Variants in ARL6IP6 observed in about 807,000 individuals in gnomAD.
ARL6IP6 encodes the protein ADP-ribosylation factor-like protein 6-interacting protein 6.
A neutral mutation model predicts 21.5 loss-of-function variants in ARL6IP6; 22 were observed. That is an observed-to-expected ratio of 1.02 (90% CI 0.73 to 1.46). The LOEUF is 1.46. Among genes scored for constraint, ARL6IP6 ranks in the 40% most tolerant of loss-of-function variants. The pLI, the probability that ARL6IP6 is intolerant of heterozygous loss-of-function variation, is 0.00. For missense variants in ARL6IP6, 388 were observed against 299.8 expected, an observed-to-expected ratio of 1.29 and a Z score of -2.17; for synonymous variants, 164 against 125.3, an observed-to-expected ratio of 1.31 and a Z score of -2.06.
intron 2 of ARL6IP6, chr2:152,732,547 C>T (rs1219838754): frequency 4.4e-6 from 2 of 459,228 alleles, no homozygotes; most frequent in African/African-American, 4.1e-5. Context: ...TCTGTATTAG[C>T]AGGAAATTTT....
upstream of ARL6IP6, chr2:152,718,274 C>A: frequency 3.7e-6 from 1 of 270,796 alleles, no homozygotes; most frequent in Non-Finnish European, 6.3e-6. Flanking sequence ...GCTGTCGGGG[C>A]GCGCGCTCCC....
intron 3 of ARL6IP6, among the ~76,000 whole-genome samples, chr2:152,755,355 TG>T: frequency 6.6e-6 from 1 of 152,086 alleles, no homozygotes; most frequent in African/African-American, 2.4e-5. Context: ...CCACCTCTTG[TG>T]GAGGGCCTGA....
At chr2:152,724,455 A>G (rs1699940963) in intron 2 of ARL6IP6, among the ~76,000 whole-genome samples, 1 of 152,246 alleles carries the variant, frequency 6.6e-6, no homozygotes, top group African/African-American at 2.4e-5. Flanking sequence ...TAATTTTTAT[A>G]CCATAGATAG....
chr2:152,728,413 A>G (rs563191231), intron 2 of ARL6IP6, among the ~76,000 whole-genome samples: 190 of 152,306 alleles, frequency 1.2e-3, no homozygotes, highest in Middle Eastern at 3.4e-3. Context: ...CTGATTATAT[A>G]TAATATGTGT....
At chr2:152,752,311 A>G (rs1701373340) in intron 3 of ARL6IP6, among the ~76,000 whole-genome samples, 1 of 152,214 alleles carries the variant, frequency 6.6e-6, no homozygotes, top group Non-Finnish European at 1.5e-5. Context: ...AGACTCCATG[A>G]TGAAACTGAA....
chr2:152,756,169 G>T (rs1701584152), intron 3 of ARL6IP6, among the ~76,000 whole-genome samples: 1 of 152,076 alleles, frequency 6.6e-6, no homozygotes, highest in Non-Finnish European at 1.5e-5. Flanking sequence ...AGGTCATGAA[G>T]ATTTATACCT....
rs1559216120 is a variant in ARL6IP6 at position 152,718,772 on chromosome 2, C to T, written c.148C>T (p.Gln50Ter). Residue 50 changes from glutamine to a stop codon, truncating the protein, a stop_gained, in exon 1 of 4, where the codon CAA (glutamine) becomes TAA (stop). Transcript: ENST00000326446. LOFTEE classifies it high-confidence loss of function. ...GEVDEEEGCD[Q>*]VARDLRAEFS... ...AGTCGACGAGGAGGAGGGATGCGAC[C>T]AAGTGGCCCGCGACCTGCGGGCGGA... 1 of 1,608,738 alleles carries T rather than the reference C, an allele frequency of 6.2e-7. No individual in the cohort carries two copies. Among genetic ancestry groups the T allele is most frequent in the Non-Finnish European group, 8.5e-7 (1 of 1,177,442 alleles).
At chr2:152,732,252 C>A (rs141565512) in intron 2 of ARL6IP6, among the ~76,000 whole-genome samples, 1 of 151,970 alleles carries the variant, frequency 6.6e-6, no homozygotes, top group Non-Finnish European at 1.5e-5. Flanking sequence ...TTAACAGATA[C>A]TGCCAAACTG....
intron 3 of ARL6IP6, among the ~76,000 whole-genome samples, chr2:152,754,422 G>A (rs1701482933): frequency 6.6e-6 from 1 of 152,124 alleles, no homozygotes; most frequent in Non-Finnish European, 1.5e-5. Flanking sequence ...TTTTAAGGCT[G>A]CATGGTTTTC....
intron 3 of ARL6IP6, among the ~76,000 whole-genome samples, chr2:152,748,636 T>G (rs1372917784): frequency 1.3e-5 from 2 of 152,216 alleles, no homozygotes; most frequent in South Asian, 2.1e-4. Flanking sequence ...AGTTGGGTCT[T>G]AAGATGGGCC....
rs1179565205 is a variant in ARL6IP6, at chr2:152,718,669, C to T, written c.45C>T (p.Arg15=). Residue 15 remains arginine (R), a synonymous_variant, in exon 1 of 4, where the codon CGC becomes CGT. Coordinates refer to ENST00000326446, the MANE Select transcript of ARL6IP6 (RefSeq NM_152522.7). ...GGTGGCGGTCGGCTCTGCGGCGCCG[C>T]GGTCCCGGCACCCCGGGCCCTGTGG... is the stretch of plus-strand genomic sequence containing the variant. ...ESGWRSALRR[R]GPGTPGPVAR... 4.5e-6 allele frequency: 7 copies of T among 1,571,262 alleles called. No individual in the cohort carries two copies. The highest frequency in any genetic ancestry group is 6.0e-6 in the Non-Finnish European group (7 of 1,158,158).
At chr2:152,747,387 A>C (rs902433384) in intron 3 of ARL6IP6, among the ~76,000 whole-genome samples, 3 of 152,126 alleles carry the variant, frequency 2.0e-5, no homozygotes, top group African/African-American at 7.2e-5. Flanking sequence ...TGTTTAGAAC[A>C]CTAAATCCCT....
chr2:152,757,527 T>C (rs1701645775), intron 3 of ARL6IP6, among the ~76,000 whole-genome samples: 1 of 152,070 alleles, frequency 6.6e-6, no homozygotes, highest in African/African-American at 2.4e-5. Flanking sequence ...AAGTCCTCTA[T>C]AGAGTTTTGA....
chr2:152,719,289 G>T (rs1293699507), intron 1 of ARL6IP6, among the ~76,000 whole-genome samples: 1 of 152,170 alleles, frequency 6.6e-6, no homozygotes, highest in African/African-American at 2.4e-5. Context: ...TCAAGTCCTT[G>T]AACACTGGGG....
intron 3 of ARL6IP6, among the ~76,000 whole-genome samples, chr2:152,752,246 A>G (rs1701369666): frequency 6.6e-6 from 1 of 152,176 alleles, no homozygotes; most frequent in African/African-American, 2.4e-5. Flanking sequence ...GCTTCAGAGT[A>G]TGGAAATAAA....
intron 2 of ARL6IP6, among the ~76,000 whole-genome samples, chr2:152,723,251 T>TA (rs1224679432): frequency 6.6e-6 from 1 of 152,218 alleles, no homozygotes; most frequent in African/African-American, 2.4e-5. Context: ...AAATATTTAA[T>TA]AAGAAAATGT....
intron 1 of ARL6IP6, 102 bp downstream of exon 1, chr2:152,719,126 G>T (rs1699542968): frequency 1.5e-6 from 2 of 1,311,172 alleles, no homozygotes; most frequent in Non-Finnish European, 2.0e-6. Flanking sequence ...AAGCCCTCAG[G>T]CTGGCAGCTG....
intron 3 of ARL6IP6, among the ~76,000 whole-genome samples, chr2:152,737,607 A>T (rs1700609065): frequency 6.6e-6 from 1 of 152,192 alleles, no homozygotes. Context: ...CCAAGGAGGA[A>T]CAAAGGCACA....
chr2:152,736,793 C>G (rs1005848584), intron 3 of ARL6IP6, among the ~76,000 whole-genome samples: 2 of 152,128 alleles, frequency 1.3e-5, no homozygotes, highest in Non-Finnish European at 2.9e-5. Context: ...CAACTATTTA[C>G]ACAGCATTTA....
Sources: allele counts gnomAD v4.1 joint callset (sites outside exome capture counted in the v4.1 genomes callset), GRCh38; gene constraint gnomAD v4.1.1; transcripts MANE v1.5; gene names NCBI Gene and HGNC (gene_info 2026-07-23, HGNC 2026-07-21).